The following HPCAL1 variants were observed in gnomAD, a reference collection of about 807,000 sequenced individuals.
HPCAL1 encodes hippocalcin-like protein 1.
In HPCAL1, 8 loss-of-function variants were observed where a neutral mutation model predicts 17.1. The ratio of observed to expected loss-of-function variants is 0.47; its 90% CI spans 0.27 to 0.84. The LOEUF is 0.84. Among genes scored for constraint, HPCAL1 ranks in the 40% least tolerant of loss-of-function variants. The pLI is 0.13. For synonymous variants in HPCAL1, 112 were observed against 111.4 expected, an observed-to-expected ratio of 1.01 and a Z score of -0.03; for missense variants, 165 against 271.1, an observed-to-expected ratio of 0.61 and a Z score of 2.75.
At chr2:10,399,397 T>C (rs865808834) in intron 2 of HPCAL1, among the ~76,000 whole-genome samples, 1,181 of 6,128 alleles carry the variant, frequency 0.19, 1 homozygote, top group Non-Finnish European at 0.21. Flanking sequence ...ACCACCACCA[T>C]CACCACCACC....
At chr2:10,316,131 C>A (rs557045427) in intron 1 of HPCAL1, among the ~76,000 whole-genome samples, 1 of 152,120 alleles carries the variant, frequency 6.6e-6, no homozygotes, top group African/African-American at 2.4e-5. Flanking sequence ...GCGTTCACTT[C>A]GTTTGTTGAC....
At position 10,426,710 on chromosome 2, in the gene HPCAL1, C is replaced by G. The variant is rs776926539; in HGVS notation, c.485-14C>G. The G allele has an allele frequency of 1.4e-5, 22 of 1,606,900 alleles. No homozygotes were observed. Among genetic ancestry groups the G allele is most frequent in the Non-Finnish European group, 8.5e-7 (1 of 1,174,220 alleles). The stretch of plus-strand genomic sequence containing the variant: ...TGAGCACTGGCTAATCCCATTGTCT[C>G]TGGTCCCCTGCAGGCAAACTGTCCT... On this transcript the variant is annotated splice_polypyrimidine_tract_variant and intron_variant, in intron 4 of 4. Transcript: ENST00000307845.
At chr2:10,379,707 C>T (rs1011759993) in intron 1 of HPCAL1, among the ~76,000 whole-genome samples, 2 of 152,146 alleles carry the variant, frequency 1.3e-5, no homozygotes, top group Middle Eastern at 3.2e-3. Flanking sequence ...TATTAAATTC[C>T]AGAGGCTCTG....
rs997881977 is a variant in HPCAL1, at chr2:10,362,566, C to T, written c.-110-34269C>T. Reference sequence around the variant, plus strand: ...AGCTGGGCGATGGGGAAGGCCTCCACGGTGTTCTGTTGTAATGTTCTGCCA... The same window carrying T: ...AGCTGGGCGATGGGGAAGGCCTCCATGGTGTTCTGTTGTAATGTTCTGCCA... On this transcript the variant is annotated intron_variant, in intron 1 of 4. Transcript: ENST00000307845. This position sits in a 1 kb window ranked among gnomAD's most constrained non-coding sequence, Gnocchi z 5.0. Among the ~76,000 whole-genome samples, 3 of 152,200 alleles carry T rather than the reference C, an allele frequency of 2.0e-5. No homozygotes were observed. Among genetic ancestry groups the T allele is most frequent in the African/African-American group, 4.8e-5 (2 of 41,444 alleles).
At chr2:10,361,277 AG>A (rs1666511397) in intron 1 of HPCAL1, among the ~76,000 whole-genome samples, 3 of 151,460 alleles carry the variant, frequency 2.0e-5, no homozygotes, top group Non-Finnish European at 4.4e-5. Flanking sequence ...AGAGAGAGAG[AG>A]AGAGCAGGCT....
At chr2:10,420,851 C>T (rs961419816) in intron 3 of HPCAL1, among the ~76,000 whole-genome samples, 1 of 152,168 alleles carries the variant, frequency 6.6e-6, no homozygotes, top group South Asian at 2.1e-4. Flanking sequence ...ACCTCCACCT[C>T]CTGGGTTCAA....
chr2:10,421,515 A>AT (rs1671062406), intron 3 of HPCAL1, among the ~76,000 whole-genome samples: 1 of 152,162 alleles, frequency 6.6e-6, no homozygotes, highest in Non-Finnish European at 1.5e-5. Context: ...AGCCTGGGCA[A>AT]TATAGTGAGA....
At position 10,376,712 on chromosome 2, in the gene HPCAL1, C is replaced by G. The variant is rs112572812; in HGVS notation, c.-110-20123C>G. ...TCGGCTTCCCAAAGTGCTGGGATTA[C>G]AGGTGTGAGCCACTGCCCCCAGCCT... On this transcript the variant is annotated intron_variant, in intron 1 of 4. Coordinates refer to ENST00000307845, the MANE Select transcript of HPCAL1 (RefSeq NM_002149.4). 6.9e-3 allele frequency among the ~76,000 whole-genome samples: 1,051 copies of G among 152,262 alleles called. 4 individuals are homozygous for G. Among genetic ancestry groups the G allele is most frequent in the Middle Eastern group, 0.034 (10 of 294 alleles).
At position 10,419,889 on chromosome 2, in the gene HPCAL1, C is replaced by T. The variant is rs530325936; in HGVS notation, c.132C>T (p.Thr44=). Residue 44 remains threonine (T), a synonymous_variant, in exon 3 of 5, where the codon ACC becomes ACT. Transcript: ENST00000307845. This position sits in a 1 kb window ranked among gnomAD's most constrained non-coding sequence, Gnocchi z 5.0. ...AGGACTGCCCCACCGGCCACCTGAC[C>T]GTGGACGAGTTCAAGAAGATCTACG... The part of the protein sequence containing the change: ...FLKDCPTGHL[T]VDEFKKIYAN... The T allele has an allele frequency of 1.1e-4, 177 of 1,613,822 alleles. 1 individual carries two copies. In the South Asian group the frequency reaches 1.7e-3, roughly 16 times the overall value.
At position 10,367,100 on chromosome 2, in the gene HPCAL1, G is replaced by A. The variant is rs745555854; in HGVS notation, c.-110-29735G>A. Among the ~76,000 whole-genome samples the A allele has an allele frequency of 2.0e-5, 3 of 152,082 alleles. No individual in the cohort carries two copies. Among genetic ancestry groups the A allele is most frequent in the Admixed American group, 2.0e-4 (3 of 15,276 alleles). On this transcript the variant is annotated intron_variant, in intron 1 of 4. Transcript: ENST00000307845. This position sits in a 1 kb window ranked among gnomAD's most constrained non-coding sequence, Gnocchi z 4.4. ...GATGGCCCAAGAGAGACCGGGAGGA[G>A]CATCTGGTGGAGGACCTGGGTGTTC...
rs1297649000 is a variant in HPCAL1 at position 10,384,025 on chromosome 2, ACACC to A, written c.-110-12806_-110-12803del. Among the ~76,000 whole-genome samples the A allele has an allele frequency of 1.2e-5, 1 of 83,262 alleles. No individual in the cohort carries two copies. The highest frequency in any genetic ancestry group is 6.3e-5 in the African/African-American group (1 of 15,800). 54.6% of individuals were successfully genotyped at this position (83,262 alleles called of 152,430 possible). ...ATGCATATACATCGCGTACACACAC[ACACC>A]CACACACACACACACCTTTTGCTGG... is the stretch of plus-strand genomic sequence containing the variant. On this transcript the variant is annotated intron_variant, in intron 1 of 4. Transcript: ENST00000307845. This position sits in a 1 kb window ranked among gnomAD's most constrained non-coding sequence, Gnocchi z 4.4.
At chr2:10,325,213 G>A (rs1042149961) in intron 1 of HPCAL1, among the ~76,000 whole-genome samples, 60 of 151,804 alleles carry the variant, frequency 4.0e-4, no homozygotes, top group Non-Finnish European at 8.4e-4. Flanking sequence ...TGGTGCCGTC[G>A]GAGCACACTG....
intron 1 of HPCAL1, among the ~76,000 whole-genome samples, chr2:10,385,056 G>A (rs571908275): frequency 2.0e-5 from 3 of 151,604 alleles, no homozygotes; most frequent in African/African-American, 7.3e-5. Flanking sequence ...GGAGGTGAAG[G>A]TTGCAGTGAG....
At chr2:10,381,043 G>A (rs1187298836) in intron 1 of HPCAL1, among the ~76,000 whole-genome samples, 2 of 152,228 alleles carry the variant, frequency 1.3e-5, no homozygotes, top group Non-Finnish European at 2.9e-5. Context: ...TTGATGGCCT[G>A]GGACCTCTGG....
intron 2 of HPCAL1, among the ~76,000 whole-genome samples, chr2:10,413,392 A>G (rs947844569): frequency 6.6e-6 from 1 of 152,374 alleles, no homozygotes. Context: ...GTTCTTGTGC[A>G]TGTGTGTATA....
At position 10,323,972 on chromosome 2, in the gene HPCAL1, T is replaced by C. The variant is rs1354495462; in HGVS notation, c.-111+20795T>C. Among the ~76,000 whole-genome samples, 2 of 152,266 alleles carry C rather than the reference T, an allele frequency of 1.3e-5. No individual in the cohort carries two copies. The highest frequency in any genetic ancestry group is 2.4e-5 in the African/African-American group (1 of 41,478). On this transcript the variant is annotated intron_variant, in intron 1 of 4. Coordinates refer to ENST00000307845, the MANE Select transcript of HPCAL1 (RefSeq NM_002149.4). The surrounding 1 kb of genome is among the most constrained non-coding windows in gnomAD (Gnocchi z 4.6). ...GTACTTCACCATGCAAAAGCTCTTG[T>C]CATTTCAGAAAAGGAAGGAGAATTA...
At chr2:10,305,694 C>A (rs1434447118) in intron 1 of HPCAL1, among the ~76,000 whole-genome samples, 2 of 152,166 alleles carry the variant, frequency 1.3e-5, no homozygotes, top group African/African-American at 2.4e-5. Flanking sequence ...AGCCAATGAC[C>A]CATTTATTTC....
At chr2:10,335,890 G>A (rs371411529) in intron 1 of HPCAL1, among the ~76,000 whole-genome samples, 7 of 152,126 alleles carry the variant, frequency 4.6e-5, no homozygotes, top group Admixed American at 2.0e-4. Context: ...ACATATTTTC[G>A]ATACATTATT....
chr2:10,347,460 G>A (rs886235188), intron 1 of HPCAL1, among the ~76,000 whole-genome samples: 22 of 152,172 alleles, frequency 1.4e-4, no homozygotes, highest in Non-Finnish European at 2.2e-4. Flanking sequence ...TGTGGACCAC[G>A]GTGGGGCAAA....
Sources: allele counts gnomAD v4.1 joint callset (sites outside exome capture counted in the v4.1 genomes callset), GRCh38; gene constraint gnomAD v4.1.1; non-coding constraint Gnocchi (gnomAD v3.1); transcripts MANE v1.5; gene names NCBI Gene and HGNC (gene_info 2026-07-23, HGNC 2026-07-21).